SORL1: variants seen among roughly 807,000 people sequenced by gnomAD.
SORL1 encodes sortilin related receptor 1, also known as sortilin-related receptor.
In SORL1, 127 loss-of-function variants were observed where a neutral mutation model predicts 273.7. The ratio of observed to expected loss-of-function variants is 0.46; its 90% CI spans 0.40 to 0.54. The LOEUF is 0.54. Among genes scored for constraint, SORL1 ranks in the 20% least tolerant of loss-of-function variants. The pLI, the probability that SORL1 is intolerant of heterozygous loss-of-function variation, is 0.00. For missense variants in SORL1, 2,494 were observed against 2,846.1 expected (o/e 0.88, Z 2.81); for synonymous variants, 1,031 against 1,067.4 (o/e 0.97, Z 0.66).
rs370492644 is a variant in SORL1, at chr11:121,490,024, T to C, written c.691-19T>C. On this transcript the variant is annotated intron_variant, in intron 4 of 47. Coordinates refer to ENST00000260197, the MANE Select transcript of SORL1 (RefSeq NM_003105.6). The stretch of plus-strand genomic sequence containing the variant: ...TGTATTATACATGCCTCTTGCATCA[T>C]GACCACTTGTCTTTGCAGCTGTGGA... 5 of 1,606,266 alleles carry C rather than the reference T, an allele frequency of 3.1e-6. No homozygotes were observed. In the African/African-American group the frequency reaches 5.3e-5, roughly 17 times the overall value.
In SORL1 at chr11:121,545,298, G is replaced by T. The variant is rs545329094; in HGVS notation, c.1920G>T (p.Gly640=). The part of the protein sequence containing the change: ...YKLWSPSDER[G]NECLLGHKTV... ...TGTGGTCACCATCTGATGAGCGGGG[G>T]AATGAGTGTTTGCTGGGACACAAGA... The change falls in exon 14 of 48, where the codon GGG becomes GGT. Residue 640 remains glycine (G), a synonymous_variant. Coordinates refer to ENST00000260197, the MANE Select transcript of SORL1 (RefSeq NM_003105.6). 3.7e-6 allele frequency: 6 copies of T among 1,614,044 alleles called. No homozygotes were observed. In the South Asian group the frequency reaches 6.6e-5, roughly 18 times the overall value.
intron 1 of SORL1, among the ~76,000 whole-genome samples, chr11:121,463,373 G>A (rs1337018514): frequency 1.3e-5 from 2 of 151,988 alleles, no homozygotes; most frequent in African/African-American, 2.4e-5. Flanking sequence ...AAGCATATTC[G>A]CTCATTGACA....
At position 121,541,881 on chromosome 11, in the gene SORL1, T is replaced by A. The variant is rs1357939561; in HGVS notation, c.1686-1667T>A. 3.3e-5 allele frequency among the ~76,000 whole-genome samples: 5 copies of A among 152,364 alleles called. No individual in the cohort carries two copies. The South Asian group carries it at 1.0e-3, about 32-fold the overall frequency. On this transcript the variant is annotated intron_variant, in intron 12 of 47. Transcript: ENST00000260197. ...GCTGCTTAGTTTTTCAAGGGCTGGC[T>A]TCCTGCTTCTGTTATAGTCTGTCTT...
In SORL1 at chr11:121,618,798, T is replaced by A; in HGVS notation, c.5629T>A (p.Ser1877Thr). Residue 1877 changes from serine to threonine, a missense_variant, in exon 42 of 48, where the codon TCC becomes ACC. Ser to Thr is a moderately conservative substitution (Grantham distance 58, BLOSUM62 1). Coordinates refer to ENST00000260197, the MANE Select transcript of SORL1 (RefSeq NM_003105.6). ...GGTTTATGGTATTTTCTATGCCACG[T>A]CCTTTCTTGACCTCTATCGCAACCC... is the stretch of plus-strand genomic sequence containing the variant. ...NVVYGIFYAT[S>T]FLDLYRNPKS... The A allele has an allele frequency of 6.2e-7, 1 of 1,614,198 alleles. No homozygotes were observed. Among genetic ancestry groups the A allele is most frequent in the Non-Finnish European group, 8.5e-7 (1 of 1,180,018 alleles).
intron 12 of SORL1, among the ~76,000 whole-genome samples, chr11:121,534,585 GGTGCAT>G (rs1378401350): frequency 6.6e-6 from 1 of 152,230 alleles, no homozygotes; most frequent in Admixed American, 6.5e-5. Flanking sequence ...CCTATTGACA[GGTGCAT>G]GTGTCCCACA....
chr11:121,511,173 AT>A (rs1177876633), intron 6 of SORL1, among the ~76,000 whole-genome samples: 16 of 152,158 alleles, frequency 1.1e-4, no homozygotes, highest in Admixed American at 9.8e-4. Flanking sequence ...GGATCGATGC[AT>A]TTTGAGATTT....
chr11:121,532,609 T>A, intron 12 of SORL1, 57 bp downstream of exon 12: 2 of 1,409,362 alleles, frequency 1.4e-6, no homozygotes, highest in Non-Finnish European at 2.0e-6. Flanking sequence ...AATTTACGTC[T>A]GTGATTATAA....
At chr11:121,523,803 G>A (rs1862078663) in intron 11 of SORL1, among the ~76,000 whole-genome samples, 1 of 152,150 alleles carries the variant, frequency 6.6e-6, no homozygotes, top group South Asian at 2.1e-4. Flanking sequence ...CTGGGCAGCC[G>A]GAACAGCACG....
At chr11:121,544,047 G>C (rs1276462731) in intron 13 of SORL1, among the ~76,000 whole-genome samples, 1 of 152,134 alleles carries the variant, frequency 6.6e-6, no homozygotes, top group African/African-American at 2.4e-5. Context: ...CCAATTGGAC[G>C]TATTCAGTGA....
intron 3 of SORL1, 120 bp downstream of exon 3, chr11:121,478,363 G>A (rs1449882379): frequency 8.4e-7 from 1 of 1,196,416 alleles, no homozygotes; most frequent in African/African-American, 1.5e-5. Flanking sequence ...ATGACTGGTG[G>A]CTAGTGAGTT....
chr11:121,517,673 G>A (rs1382624814), intron 8 of SORL1, among the ~76,000 whole-genome samples: 2 of 152,196 alleles, frequency 1.3e-5, no homozygotes, highest in African/African-American at 2.4e-5. Context: ...ACAGAGTCAT[G>A]AAGGCCTCCC....
intron 12 of SORL1, among the ~76,000 whole-genome samples, chr11:121,536,288 G>C (rs1862265504): frequency 6.6e-6 from 1 of 152,136 alleles, no homozygotes. Context: ...CAGAATGTGG[G>C]AGGCAGTGGT....
At chr11:121,589,565 G>A (rs989174025) in intron 29 of SORL1, among the ~76,000 whole-genome samples, 175 bp downstream of exon 29, 11 of 152,206 alleles carry the variant, frequency 7.2e-5, no homozygotes, top group Non-Finnish European at 1.3e-4. Flanking sequence ...GGGGCAGCTG[G>A]CACCCAGCAG....
intron 32 of SORL1, among the ~76,000 whole-genome samples, chr11:121,600,738 T>C (rs138397487): frequency 3.1e-4 from 47 of 152,286 alleles, no homozygotes; most frequent in African/African-American, 1.1e-3. Context: ...GAAATGAGAT[T>C]AGTGTGGTGC....
intron 44 of SORL1, among the ~76,000 whole-genome samples, chr11:121,621,662 T>G (rs1475515122): frequency 6.6e-6 from 1 of 152,238 alleles, no homozygotes; most frequent in African/African-American, 2.4e-5. Context: ...AGCTGGGCAG[T>G]AGATCAAAGG....
At chr11:121,467,642 CTT>C (rs374816191) in intron 1 of SORL1, among the ~76,000 whole-genome samples, 3 of 152,094 alleles carry the variant, frequency 2.0e-5, no homozygotes, top group African/African-American at 7.2e-5. Flanking sequence ...GGGGAGGAAA[CTT>C]TTAGCTGGGA....
intron 3 of SORL1, among the ~76,000 whole-genome samples, chr11:121,481,821 G>T (rs912632017): frequency 6.9e-6 from 1 of 144,068 alleles, no homozygotes; most frequent in Non-Finnish European, 1.5e-5. Context: ...ATACCTATAG[G>T]CAGGCTTCAT....
At chr11:121,525,531 T>C (rs1184265025) in intron 11 of SORL1, among the ~76,000 whole-genome samples, 1 of 152,246 alleles carries the variant, frequency 6.6e-6, no homozygotes, top group Non-Finnish European at 1.5e-5. Context: ...TTGTCCCTTT[T>C]ACATTTCCAC....
At chr11:121,510,360 G>A (rs940330941) in intron 6 of SORL1, among the ~76,000 whole-genome samples, 1 of 152,212 alleles carries the variant, frequency 6.6e-6, no homozygotes, top group African/African-American at 2.4e-5. Flanking sequence ...CTGCCTGGAG[G>A]TAGGCTGTCT....
Sources: allele counts gnomAD v4.1 joint callset (sites outside exome capture counted in the v4.1 genomes callset), GRCh38; gene constraint gnomAD v4.1.1; transcripts MANE v1.5; gene names NCBI Gene and HGNC (gene_info 2026-07-23, HGNC 2026-07-21).